The following CNTN5 variants were observed in gnomAD, a reference collection of about 807,000 sequenced individuals.
CNTN5 encodes the protein contactin 5.
CNTN5 carries 77 observed loss-of-function variants against 129.1 expected under a neutral mutation model. The ratio of observed to expected loss-of-function variants is 0.60; its 90% CI spans 0.50 to 0.72. CNTN5 has a LOEUF of 0.72. Ranked by LOEUF, CNTN5 falls within the 30% of genes least tolerant of loss-of-function variation. CNTN5 has a pLI of 0.00. For synonymous variants in CNTN5, 509 were observed against 465.6 expected (o/e 1.09, Z -1.20); for missense variants, 1,478 against 1,328.8 (o/e 1.11, Z -1.75).
chr11:99,452,902 C>A (rs891005570), intron 2 of CNTN5, among the ~76,000 whole-genome samples: 4 of 152,110 alleles, frequency 2.6e-5, no homozygotes, highest in African/African-American at 9.7e-5. Flanking sequence ...TCATCTAATT[C>A]ATAAAACAAT....
intron 4 of CNTN5, among the ~76,000 whole-genome samples, chr11:99,842,714 AT>A (rs1423140162): frequency 6.6e-6 from 1 of 152,222 alleles, no homozygotes; most frequent in African/African-American, 2.4e-5. Flanking sequence ...AATTTGATTT[AT>A]AAAAGTTGTG....
intron 1 of CNTN5, among the ~76,000 whole-genome samples, chr11:99,145,045 T>C (rs1859709181): frequency 6.6e-6 from 1 of 152,108 alleles, no homozygotes; most frequent in South Asian, 2.1e-4. Context: ...TTCAATTTTA[T>C]GGAGTAAATT....
intron 13 of CNTN5, among the ~76,000 whole-genome samples, chr11:100,127,002 C>T (rs1345222797): frequency 1.3e-5 from 2 of 151,744 alleles, no homozygotes; most frequent in Non-Finnish European, 2.9e-5. Context: ...TTATTGCAGC[C>T]TTGACTTTTC....
At chr11:100,177,839 A>C (rs939809347) in intron 13 of CNTN5, among the ~76,000 whole-genome samples, 3 of 152,100 alleles carry the variant, frequency 2.0e-5, no homozygotes, top group Non-Finnish European at 2.9e-5. Flanking sequence ...CTACATAGTC[A>C]ACCCAGATGA....
intron 6 of CNTN5, among the ~76,000 whole-genome samples, chr11:99,905,856 A>G (rs1365948568): frequency 1.3e-5 from 2 of 152,100 alleles, no homozygotes; most frequent in Admixed American, 6.6e-5. Flanking sequence ...GGTCCTTCAC[A>G]TCCCTTGTGA....
chr11:99,061,450 C>T (rs1048407654), intron 1 of CNTN5, among the ~76,000 whole-genome samples: 3 of 151,892 alleles, frequency 2.0e-5, no homozygotes, highest in Admixed American at 6.6e-5. Context: ...TGGGGTGTGC[C>T]CTCAACCACC....
chr11:99,554,463 C>T (rs1948602783), intron 2 of CNTN5, among the ~76,000 whole-genome samples: 1 of 152,078 alleles, frequency 6.6e-6, no homozygotes, highest in Admixed American at 6.6e-5. Flanking sequence ...ACATGAATGT[C>T]TGTGGGTTTT....
intron 7 of CNTN5, among the ~76,000 whole-genome samples, chr11:99,943,051 A>C (rs1950476235): frequency 6.6e-6 from 1 of 151,978 alleles, no homozygotes; most frequent in South Asian, 2.1e-4. Context: ...TTATAAATCC[A>C]GTAATGGGAT....
chr11:99,267,585 A>G (rs1010273480), intron 1 of CNTN5, among the ~76,000 whole-genome samples: 18 of 151,960 alleles, frequency 1.2e-4, no homozygotes, highest in African/African-American at 2.2e-4. Context: ...GGCAATATTG[A>G]TTTGATAAAA....
At chr11:100,334,556 A>C (rs548789785) in intron 21 of CNTN5, among the ~76,000 whole-genome samples, 1 of 152,306 alleles carries the variant, frequency 6.6e-6, no homozygotes, top group East Asian at 1.9e-4. Context: ...TGAGTGGATA[A>C]AGAAAATGTG....
chr11:99,181,192 T>C (rs187235576), intron 1 of CNTN5, among the ~76,000 whole-genome samples: 81 of 152,250 alleles, frequency 5.3e-4, no homozygotes, highest in Non-Finnish European at 9.7e-4. Context: ...GGATGTTGAA[T>C]GTAATTAATG....
At chr11:100,133,539 T>C (rs1454661808) in intron 13 of CNTN5, among the ~76,000 whole-genome samples, 2 of 152,122 alleles carry the variant, frequency 1.3e-5, no homozygotes, top group Non-Finnish European at 2.9e-5. Context: ...AATTATAGTT[T>C]TGCATTGGGA....
intron 16 of CNTN5, among the ~76,000 whole-genome samples, chr11:100,229,913 G>T (rs990653312): frequency 8.5e-5 from 13 of 152,104 alleles, no homozygotes; most frequent in African/African-American, 3.1e-4. Context: ...TGCTTGGAGA[G>T]TGCATAAGCC....
At chr11:100,121,019 A>G (rs1344612622) in intron 13 of CNTN5, among the ~76,000 whole-genome samples, 2 of 151,966 alleles carry the variant, frequency 1.3e-5, no homozygotes, top group Non-Finnish European at 2.9e-5. Flanking sequence ...CCCATTCCAA[A>G]AAGGCAGATT....
At chr11:100,321,583 A>C (rs1415029909) in intron 21 of CNTN5, among the ~76,000 whole-genome samples, 3 of 152,112 alleles carry the variant, frequency 2.0e-5, no homozygotes, top group African/African-American at 4.8e-5. Flanking sequence ...TTCCAGTACT[A>C]TATTGAAGAG....
chr11:99,312,658 A>G (rs886749958), intron 1 of CNTN5, among the ~76,000 whole-genome samples: 2 of 152,108 alleles, frequency 1.3e-5, no homozygotes, highest in African/African-American at 2.4e-5. Flanking sequence ...TCTGCATAGG[A>G]TTGCTGTAAG....
intron 1 of CNTN5, among the ~76,000 whole-genome samples, chr11:99,213,640 G>C (rs575169765): frequency 5.3e-4 from 81 of 151,998 alleles, no homozygotes; most frequent in African/African-American, 1.9e-3. Flanking sequence ...AGTCAGGAAA[G>C]CCATAGTAGT....
chr11:99,938,052 T>G (rs1318856006), intron 7 of CNTN5, among the ~76,000 whole-genome samples: 1 of 152,210 alleles, frequency 6.6e-6, no homozygotes, highest in Non-Finnish European at 1.5e-5. Context: ...CTAAAGCTTT[T>G]AAAATATATA....
chr11:99,064,587 C>T (rs1448498857), intron 1 of CNTN5, among the ~76,000 whole-genome samples: 1 of 152,078 alleles, frequency 6.6e-6, no homozygotes, highest in African/African-American at 2.4e-5. Flanking sequence ...ATGCCTCCAT[C>T]CCTTTATTTA....
Sources: gnomAD v4.1 joint callset for allele counts (sites outside exome capture counted in the v4.1 genomes callset) on GRCh38, gnomAD v4.1.1 for gene constraint, MANE v1.5 for transcripts, NCBI Gene and HGNC (gene_info 2026-07-23, HGNC 2026-07-21) for gene names.